Variants in GIT2 observed in about 807,000 individuals in gnomAD.
The protein encoded by GIT2 is GIT ArfGAP 2, also known as ARF GTPase-activating protein GIT2.
GIT2 carries 32 observed loss-of-function variants against 100.3 expected under a neutral mutation model. The ratio of observed to expected loss-of-function variants is 0.32; its 90% confidence interval spans 0.24 to 0.43. The LOEUF (loss-of-function observed/expected upper bound fraction) is 0.43. GIT2 is among the 20% of genes least tolerant of loss of function. The pLI is 1.00. For missense variants in GIT2, 737 were observed against 975.1 expected, an observed-to-expected ratio of 0.76 and a Z score of 3.25; for synonymous variants, 353 against 364.1, an observed-to-expected ratio of 0.97 and a Z score of 0.35.
At chr12:109,988,841 T>C in intron 4 of GIT2, 122 bp downstream of exon 4, 1 of 561,952 alleles carries the variant, frequency 1.8e-6, no homozygotes, top group Non-Finnish European at 3.1e-6. Flanking sequence ...TAACAGAGAC[T>C]CTGTCTCAAA....
At chr12:109,954,577 C>G (rs980811996) in intron 12 of GIT2, 1 of 152,092 alleles carries the variant, frequency 6.6e-6, no homozygotes. Flanking sequence ...TGGATGATAT[C>G]TGGGTGATGA....
At chr12:109,998,922 A>C (rs2137055782), upstream of GIT2, 1 of 152,368 alleles carries the variant, frequency 6.6e-6, no homozygotes, top group Non-Finnish European at 1.5e-5. Context: ...ATATGTGCCG[A>C]GGTTGAGAAA....
In GIT2 at chr12:109,930,003, C is replaced by G. The variant is rs1386405373; in HGVS notation, c.*2975G>C. 1 of 152,464 alleles carries G rather than the reference C, an allele frequency of 6.6e-6. No individual in the cohort carries two copies. The highest frequency in any genetic ancestry group is 2.4e-5 in the African/African-American group (1 of 41,432). The allele number at this position is 152,464 out of a possible 1,614,324, so 9.4% of individuals were successfully genotyped here. The stretch of plus-strand genomic sequence containing the variant: ...ATTTTCTTTTCTAGGAACACGTTAC[C>G]TTCAACCAGGACAAGGAAAGAAAGA... On this transcript the variant is annotated 3_prime_UTR_variant, in exon 20 of 20. Coordinates refer to ENST00000355312, the MANE Select transcript of GIT2 (RefSeq NM_057169.5).
intron 7 of GIT2, among the ~76,000 whole-genome samples, chr12:109,970,601 T>C (rs1883612249): frequency 6.6e-6 from 1 of 152,200 alleles, no homozygotes; most frequent in Non-Finnish European, 1.5e-5. Context: ...TGTGTGGATC[T>C]ATCTCTGGAT....
intron 12 of GIT2, among the ~76,000 whole-genome samples, chr12:109,955,769 A>C (rs1484717824): frequency 6.6e-6 from 1 of 152,116 alleles, no homozygotes; most frequent in Non-Finnish European, 1.5e-5. Flanking sequence ...GCTGGAGTGC[A>C]CTGGCATAAT....
intron 18 of GIT2, among the ~76,000 whole-genome samples, chr12:109,937,250 T>A (rs1362395098): frequency 1.3e-5 from 2 of 151,884 alleles, no homozygotes; most frequent in Non-Finnish European, 2.9e-5. Context: ...AAAAGGGAGG[T>A]TGGCCCAGTA....
In GIT2 at chr12:109,933,324, G is replaced by A; in HGVS notation, c.2068-134C>T. On this transcript the variant is annotated intron_variant, in intron 19 of 19. Transcript: ENST00000355312. The surrounding 1 kb of genome is among the most constrained non-coding windows in gnomAD (Gnocchi z 4.5). ...GGTTTGGTCCTGCCCTTTCTCAAAG[G>A]GGTGCTTCACACACTCCAAGCTTTG... The A allele has an allele frequency of 1.6e-6, 1 of 614,540 alleles. No individual in the cohort carries two copies. The allele number at this position is 614,540 out of a possible 1,614,324, so 38.1% of individuals were successfully genotyped here. A position where few individuals can be genotyped will look rare whatever the true frequency, so the allele number is the denominator to read the frequency against.
At chr12:109,942,032 C>T (rs578183076) in intron 16 of GIT2, among the ~76,000 whole-genome samples, 1 of 152,068 alleles carries the variant, frequency 6.6e-6, no homozygotes, top group African/African-American at 2.4e-5. Flanking sequence ...ACTATGTTGC[C>T]CAGCCTGGTC....
chr12:109,998,756 C>A (rs1051243215), upstream of GIT2: 2 of 152,092 alleles, frequency 1.3e-5, no homozygotes, highest in Non-Finnish European at 2.9e-5. Flanking sequence ...CGGTTCTCAA[C>A]TGAGGACGAT....
At chr12:109,987,109 G>A (rs532130586) in intron 4 of GIT2, among the ~76,000 whole-genome samples, 16 of 152,178 alleles carry the variant, frequency 1.1e-4, no homozygotes, top group Middle Eastern at 3.4e-3. Context: ...CAGGCCAGGC[G>A]CGGTGGCTCC....
chr12:109,971,720 C>T (rs1054485665), intron 7 of GIT2, among the ~76,000 whole-genome samples: 14 of 151,778 alleles, frequency 9.2e-5, no homozygotes, highest in African/African-American at 3.4e-4. Context: ...TGGCAGGGTG[C>T]GGTGGCTCAC....
At chr12:109,939,370 G>C (rs1358437976) in intron 16 of GIT2, 123 bp from the exon 17 acceptor site, 3 of 651,288 alleles carry the variant, frequency 4.6e-6, no homozygotes, top group South Asian at 1.7e-5. Context: ...TTGGGACAGG[G>C]GACAACTCTC....
intron 4 of GIT2, among the ~76,000 whole-genome samples, chr12:109,988,595 T>C (rs1263591602): frequency 1.3e-5 from 2 of 151,816 alleles, no homozygotes; most frequent in African/African-American, 4.8e-5. Context: ...TGGCTCACGC[T>C]TGCAATCCCA....
chr12:109,944,230 T>C (rs978348715), intron 16 of GIT2, among the ~76,000 whole-genome samples: 2 of 152,168 alleles, frequency 1.3e-5, no homozygotes, highest in Non-Finnish European at 2.9e-5. Flanking sequence ...TGGTAATCCA[T>C]ATGCCACTGG....
intron 7 of GIT2, among the ~76,000 whole-genome samples, chr12:109,974,436 G>C (rs956725126): frequency 3.6e-4 from 54 of 152,084 alleles, no homozygotes; most frequent in Non-Finnish European, 1.8e-4. Context: ...TGAGACAGGA[G>C]AATTGCTTGA....
intron 8 of GIT2, 21 bp from the exon 9 acceptor site, chr12:109,965,598 A>T (rs746811865): frequency 6.7e-7 from 1 of 1,502,614 alleles, no homozygotes; most frequent in Non-Finnish European, 9.2e-7. Flanking sequence ...ATACAAAGCT[A>T]ATAAGCAAAT....
At chr12:109,935,915 T>C (rs910227070) in intron 18 of GIT2, among the ~76,000 whole-genome samples, 2 of 152,192 alleles carry the variant, frequency 1.3e-5, no homozygotes, top group African/African-American at 4.8e-5. Context: ...TATTCACAAC[T>C]TCACATTGGT....
chr12:109,983,724 G>C, intron 4 of GIT2, 30 bp from the exon 5 acceptor site: 1 of 1,426,948 alleles, frequency 7.0e-7, no homozygotes, highest in Non-Finnish European at 9.9e-7. Context: ...AAAAGGAATC[G>C]TGGTTAGAGG....
Position 109,948,272 on chromosome 12 carries a change from A to G in GIT2, c.1393-768T>C. The G allele has an allele frequency of 1.0e-6, 1 of 986,604 alleles. No homozygotes were observed. The highest frequency in any genetic ancestry group is 1.1e-4 in the East Asian group (1 of 8,830). The allele number at this position is 986,604 out of a possible 1,614,324, so 61.1% of individuals were successfully genotyped here. A position where few individuals can be genotyped will look rare whatever the true frequency, so the allele number is the denominator to read the frequency against. ...CACGCTTGCTTCCGTCTGGTGAGTG[A>G]TCATCTTTCGGCCAGGGCTGGAATA... On this transcript the variant is annotated intron_variant, in intron 14 of 19. Transcript: ENST00000355312. This position sits in a 1 kb window ranked among gnomAD's most constrained non-coding sequence, Gnocchi z 4.3.
Sources: gnomAD v4.1 joint callset for allele counts (sites outside exome capture counted in the v4.1 genomes callset) on GRCh38, gnomAD v4.1.1 for gene constraint, Gnocchi (gnomAD v3.1) non-coding constraint, MANE v1.5 for transcripts, NCBI Gene and HGNC (gene_info 2026-07-23, HGNC 2026-07-21) for gene names.